Variants in ERBB4 observed in about 807,000 individuals in gnomAD.
The protein encoded by ERBB4 is receptor tyrosine-protein kinase erbB-4.
A neutral mutation model predicts 158.0 loss-of-function variants in ERBB4; 42 were observed. The observed-to-expected ratio is 0.27, with a 90% CI of 0.21 to 0.34. The LOEUF (loss-of-function observed/expected upper bound fraction) is 0.34, where lower values mean the gene tolerates loss of function less well. Among genes scored for constraint, ERBB4 ranks in the 10% least tolerant of loss-of-function variants. The probability of loss-of-function intolerance (pLI) is 1.00; values close to 1 mark genes in which losing one functional copy is unlikely to be tolerated. For missense variants in ERBB4, 1,333 were observed against 1,624.1 expected (o/e 0.82, Z 3.08); for synonymous variants, 583 against 558.7 (o/e 1.04, Z -0.61).
At chr2:211,466,403 C>A (rs1006744388) in intron 20 of ERBB4, among the ~76,000 whole-genome samples, 2 of 139,214 alleles carry the variant, frequency 1.4e-5, no homozygotes, top group African/African-American at 5.4e-5. Context: ...AATGAGTTAT[C>A]TTTTCCAAAT....
At chr2:212,108,908 G>T (rs1427244658) in intron 2 of ERBB4, among the ~76,000 whole-genome samples, 1 of 152,054 alleles carries the variant, frequency 6.6e-6, no homozygotes, top group Non-Finnish European at 1.5e-5. Context: ...TATCTATGGT[G>T]GTAGGAGAGT....
In ERBB4 at chr2:211,788,145, C is replaced by T. The variant is rs1330628617; in HGVS notation, c.436G>A (p.Gly146Arg). ...AATTTGTTCTGGTCTACATAGACTC[C>T]ACCATTTAGGATTTCTGTATTAAAA... ...LKNLTEILNG[G>R]VYVDQNKFLC... Residue 146 changes from glycine (G) to arginine (R), a missense_variant, in exon 4 of 28, where the codon GGA becomes AGA. This residue lies in a region of ERBB4 where 438 missense variants were observed against 586.9 expected (regional missense o/e 0.75). Transcript: ENST00000342788. The T allele has an allele frequency of 1.2e-6, 2 of 1,611,906 alleles. No homozygotes were observed. Among genetic ancestry groups the T allele is most frequent in the Admixed American group, 1.7e-5 (1 of 59,924 alleles).
At position 212,367,659 on chromosome 2, in the gene ERBB4, A is replaced by G. The variant is rs534750926; in HGVS notation, c.82+170790T>C. The stretch of plus-strand genomic sequence containing the variant: ...AGCAGAGAAAACAGACAACCCATAG[A>G]GTGGGAGAAAATCTTCATAATCTGT... On this transcript the variant is annotated intron_variant, in intron 1 of 27. Coordinates refer to ENST00000342788, the MANE Select transcript of ERBB4 (RefSeq NM_005235.3). Among the ~76,000 whole-genome samples the G allele has an allele frequency of 3.9e-5, 6 of 152,210 alleles. No homozygotes were observed. The South Asian group carries it at 1.0e-3, about 26-fold the overall frequency.
At chr2:211,701,711 T>G (rs772304274) in intron 12 of ERBB4, among the ~76,000 whole-genome samples, 21 of 127,504 alleles carry the variant, frequency 1.6e-4, no homozygotes, top group Non-Finnish European at 2.3e-4. Flanking sequence ...AGCCGAGATC[T>G]CGCCACTGCA....
chr2:212,333,687 C>G (rs2088292253), intron 1 of ERBB4, among the ~76,000 whole-genome samples: 1 of 88,096 alleles, frequency 1.1e-5, no homozygotes, highest in Non-Finnish European at 2.3e-5. Flanking sequence ...GAGTGAGATT[C>G]TGTACCAAAA....
chr2:212,083,105 C>T (rs2078494809), intron 2 of ERBB4, among the ~76,000 whole-genome samples: 1 of 151,700 alleles, frequency 6.6e-6, no homozygotes, highest in Non-Finnish European at 1.5e-5. Context: ...AAGAAAAGGC[C>T]CATGAATAAT....
intron 4 of ERBB4, among the ~76,000 whole-genome samples, chr2:211,765,698 G>T (rs373760130): frequency 6.6e-5 from 10 of 152,160 alleles, no homozygotes; most frequent in Non-Finnish European, 1.0e-4. Context: ...AATAAAAATA[G>T]TTGGTATTTA....
At chr2:212,322,723 G>A (rs75719406) in intron 1 of ERBB4, among the ~76,000 whole-genome samples, 22,565 of 150,020 alleles carry the variant, frequency 0.15, 2,539 homozygotes, top group South Asian at 0.23. Flanking sequence ...GGAATTCTAC[G>A]AGGAACTCAA....
At chr2:211,652,111 T>G (rs187547372) in intron 16 of ERBB4, among the ~76,000 whole-genome samples, 166 of 152,312 alleles carry the variant, frequency 1.1e-3, no homozygotes, top group African/African-American at 3.4e-3. Context: ...TTTGTGACGC[T>G]AAATACTTCT....
rs1306021554 is a variant in ERBB4 at position 211,673,237 on chromosome 2, T to C, written c.1643A>G (p.Asn548Ser). ...GTCACACTCCACACAGATGGAGCCA[T>C]TCTCAAACTCCCGAAATTCACTGTG... ...LYDGEFREFE[N>S]GSICVECDPQ... Residue 548 changes from asparagine (N) to serine (S), a missense_variant, in exon 14 of 28, where the codon AAT becomes AGT. By Grantham distance (46) the Asn-to-Ser change is conservative. Transcript: ENST00000342788. 1.2e-6 allele frequency: 2 copies of C among 1,613,512 alleles called. No individual in the cohort carries two copies. Among genetic ancestry groups the C allele is most frequent in the Non-Finnish European group, 1.7e-6 (2 of 1,179,656 alleles).
chr2:212,501,775 G>A (rs1311476612), intron 1 of ERBB4, among the ~76,000 whole-genome samples: 1 of 151,966 alleles, frequency 6.6e-6, no homozygotes, highest in East Asian at 1.9e-4. Flanking sequence ...TAGAGACTTG[G>A]TGATGATAAG....
At chr2:211,414,851 C>T (rs933742661) in intron 25 of ERBB4, among the ~76,000 whole-genome samples, 4 of 151,932 alleles carry the variant, frequency 2.6e-5, no homozygotes, top group East Asian at 1.9e-4. Context: ...TTGTAAGTTA[C>T]GTAAACTGTC....
intron 20 of ERBB4, among the ~76,000 whole-genome samples, chr2:211,537,110 G>T (rs963071785): frequency 6.6e-6 from 1 of 151,768 alleles, no homozygotes; most frequent in African/African-American, 2.4e-5. Flanking sequence ...CTGAAAATTA[G>T]TGTAAAATTA....
chr2:211,581,000 G>A (rs1281636094), intron 19 of ERBB4, among the ~76,000 whole-genome samples: 2 of 149,688 alleles, frequency 1.3e-5, no homozygotes, highest in South Asian at 2.1e-4. Context: ...ATTATTCTAA[G>A]TGAGGTAACT....
chr2:211,462,290 C>T (rs2095294370), intron 20 of ERBB4, among the ~76,000 whole-genome samples: 1 of 152,070 alleles, frequency 6.6e-6, no homozygotes, highest in South Asian at 2.1e-4. Context: ...TACCTGCCCC[C>T]ATGATCCAAT....
At chr2:211,776,399 G>A (rs1369627376) in intron 4 of ERBB4, among the ~76,000 whole-genome samples, 1 of 152,114 alleles carries the variant, frequency 6.6e-6, no homozygotes, top group Admixed American at 6.6e-5. Context: ...TTTCCCATAG[G>A]GGTGTGGTTG....
rs771259936 is a variant in ERBB4 at position 212,446,995 on chromosome 2, CTT to C, written c.82+91452_82+91453del. Among the ~76,000 whole-genome samples, 596 of 136,518 alleles carry C rather than the reference CTT, an allele frequency of 4.4e-3. 6 individuals carry two copies. Among genetic ancestry groups the C allele is most frequent in the African/African-American group, 0.012 (456 of 37,184 alleles). The allele number at this position is 136,518 out of a possible 152,430, so 89.6% of individuals were successfully genotyped here. Reference sequence around the variant, plus strand: ...AAATACTAATTAATACCAAATTTTTCTTTTTTTTTTTTTTTTATTTTGACGGA... The same window carrying C: ...AAATACTAATTAATACCAAATTTTTCTTTTTTTTTTTTTTATTTTGACGGA... On this transcript the variant is annotated intron_variant, in intron 1 of 27. Transcript: ENST00000342788.
At chr2:211,593,860 TA>T (rs2068548271) in intron 19 of ERBB4, among the ~76,000 whole-genome samples, 1 of 152,098 alleles carries the variant, frequency 6.6e-6, no homozygotes, top group Non-Finnish European at 1.5e-5. Context: ...TGCCCAAACT[TA>T]CACCCCTTCC....
chr2:211,957,099 G>A (rs1315250379), intron 2 of ERBB4, among the ~76,000 whole-genome samples: 1 of 152,014 alleles, frequency 6.6e-6, no homozygotes, highest in African/African-American at 2.4e-5. Context: ...CAAAGTGCTA[G>A]GATGACAGAT....
Sources: allele counts gnomAD v4.1 joint callset (sites outside exome capture counted in the v4.1 genomes callset), GRCh38; gene constraint gnomAD v4.1.1; regional missense constraint gnomAD v4.1.1; transcripts MANE v1.5; gene names NCBI Gene and HGNC (gene_info 2026-07-23, HGNC 2026-07-21).